The following LHFPL3 variants were observed in gnomAD, a reference collection of about 807,000 sequenced individuals.
LHFPL3 encodes the protein LHFPL tetraspan subfamily member 3 protein.
LHFPL3 carries 5 observed loss-of-function variants against 19.3 expected under a neutral mutation model. The observed-to-expected ratio is 0.26, with a 90% CI of 0.14 to 0.54. LHFPL3 has a LOEUF of 0.54. Ranked by LOEUF, LHFPL3 falls within the 20% of genes least tolerant of loss-of-function variation. The pLI, the probability that LHFPL3 is intolerant of heterozygous loss-of-function variation, is 0.94. For missense variants in LHFPL3, 249 were observed against 307.4 expected (o/e 0.81, Z 1.42); for synonymous variants, 133 against 126.2 (o/e 1.05, Z -0.36).
chr7:104,462,360 G>A (rs983767867), intron 1 of LHFPL3, among the ~76,000 whole-genome samples: 17 of 152,200 alleles, frequency 1.1e-4, no homozygotes, highest in African/African-American at 4.1e-4. Context: ...GATAGTGGCT[G>A]TGAGTTTGTC....
chr7:104,567,098 T>G (rs1399359786), intron 1 of LHFPL3, among the ~76,000 whole-genome samples: 1 of 152,252 alleles, frequency 6.6e-6, no homozygotes, highest in Non-Finnish European at 1.5e-5. Context: ...GAGTCAGCTT[T>G]ATATCAAACG....
intron 2 of LHFPL3, among the ~76,000 whole-genome samples, chr7:104,765,602 G>A (rs187492524): frequency 9.5e-4 from 145 of 152,234 alleles, no homozygotes; most frequent in African/African-American, 3.4e-3. Context: ...GGCATTTTCT[G>A]CACCATCTTT....
chr7:104,827,370 C>CTGAT (rs1279279473), intron 2 of LHFPL3, among the ~76,000 whole-genome samples: 1 of 151,998 alleles, frequency 6.6e-6, no homozygotes, highest in African/African-American at 2.4e-5. Flanking sequence ...ATTCAGTCTA[C>CTGAT]TGATTTGGTA....
chr7:104,766,358 C>G (rs1794458675), intron 2 of LHFPL3, among the ~76,000 whole-genome samples: 1 of 152,194 alleles, frequency 6.6e-6, no homozygotes, highest in African/African-American at 2.4e-5. Context: ...TTAGAAAGTC[C>G]AGCCACTAGG....
At chr7:104,682,284 C>T (rs1383345881) in intron 1 of LHFPL3, among the ~76,000 whole-genome samples, 1 of 152,182 alleles carries the variant, frequency 6.6e-6, no homozygotes, top group Non-Finnish European at 1.5e-5. Flanking sequence ...AAGACCGTCC[C>T]TCTGTAAGCC....
At chr7:104,880,647 C>T (rs755203752) in intron 2 of LHFPL3, among the ~76,000 whole-genome samples, 1 of 151,680 alleles carries the variant, frequency 6.6e-6, no homozygotes, top group Non-Finnish European at 1.5e-5. Context: ...ATATTTTAAG[C>T]CCACTGTTGA....
intron 1 of LHFPL3, among the ~76,000 whole-genome samples, chr7:104,509,001 C>G (rs543687829): frequency 2.6e-5 from 4 of 152,040 alleles, no homozygotes; most frequent in African/African-American, 9.6e-5. Flanking sequence ...ACAAATTAGA[C>G]AAAATGAACC....
At chr7:104,499,411 C>T (rs571012515) in intron 1 of LHFPL3, among the ~76,000 whole-genome samples, 2 of 152,316 alleles carry the variant, frequency 1.3e-5, no homozygotes, top group East Asian at 3.9e-4. Context: ...TTAGCATTTG[C>T]TCTTAAAGGA....
intron 1 of LHFPL3, among the ~76,000 whole-genome samples, chr7:104,518,703 G>A (rs1278827910): frequency 2.0e-5 from 3 of 152,128 alleles, no homozygotes; most frequent in African/African-American, 7.2e-5. Context: ...AGAATCACTT[G>A]AACATGGGAG....
chr7:104,744,373 G>T (rs1562979889), intron 2 of LHFPL3, among the ~76,000 whole-genome samples: 1 of 152,156 alleles, frequency 6.6e-6, no homozygotes, highest in Non-Finnish European at 1.5e-5. Context: ...CAAGTGCTTT[G>T]AATTAAAACT....
intron 1 of LHFPL3, among the ~76,000 whole-genome samples, chr7:104,582,905 G>C (rs958134804): frequency 4.5e-4 from 69 of 151,954 alleles, no homozygotes; most frequent in African/African-American, 1.6e-3. Context: ...AAATCACAGA[G>C]TACCTGGTCT....
chr7:104,480,902 G>A (rs1170250473), intron 1 of LHFPL3, among the ~76,000 whole-genome samples: 1 of 152,162 alleles, frequency 6.6e-6, no homozygotes, highest in East Asian at 1.9e-4. Context: ...TGTATTTAGC[G>A]AACAGTGAGA....
intron 1 of LHFPL3, among the ~76,000 whole-genome samples, chr7:104,697,793 T>TTG (rs1793025818): frequency 6.6e-6 from 1 of 152,220 alleles, no homozygotes; most frequent in East Asian, 1.9e-4. Context: ...TTGTTCATGC[T>TTG]TCCATTTGTG....
At chr7:104,554,670 G>GATAT (rs1794727073) in intron 1 of LHFPL3, among the ~76,000 whole-genome samples, 1 of 150,756 alleles carries the variant, frequency 6.6e-6, no homozygotes, top group African/African-American at 2.5e-5. Flanking sequence ...TAGATAGATA[G>GATAT]ATAGATAGAT....
At position 104,409,978 on chromosome 7, in the gene LHFPL3, TC is replaced by T. The variant is rs2116510700; in HGVS notation, c.445+80755del. On this transcript the variant is annotated intron_variant, in intron 1 of 2. Coordinates refer to ENST00000424859, the MANE Select transcript of LHFPL3 (RefSeq NM_199000.3). ...GCTGTATCAATCGTGGTATCCATTT[TC>T]TTCAGTGAATATTTAAGTTTGATCT... 2.0e-5 allele frequency among the ~76,000 whole-genome samples: 3 copies of T among 152,286 alleles called. No individual in the cohort carries two copies. The South Asian group carries it at 6.2e-4, about 32-fold the overall frequency.
chr7:104,601,215 AG>A (rs1790959399), intron 1 of LHFPL3, among the ~76,000 whole-genome samples: 1 of 152,178 alleles, frequency 6.6e-6, no homozygotes, highest in African/African-American at 2.4e-5. Context: ...TGGAAGATGA[AG>A]GGGGAAGGAG....
At chr7:104,545,881 T>C (rs535880954) in intron 1 of LHFPL3, among the ~76,000 whole-genome samples, 8 of 152,316 alleles carry the variant, frequency 5.3e-5, no homozygotes, top group East Asian at 3.9e-4. Flanking sequence ...AGATGGAGCA[T>C]TGCACAATAG....
At chr7:104,358,663 AGAT>A (rs1370204957) in intron 1 of LHFPL3, among the ~76,000 whole-genome samples, 3 of 152,218 alleles carry the variant, frequency 2.0e-5, no homozygotes, top group Non-Finnish European at 4.4e-5. Flanking sequence ...GGAGATCTTC[AGAT>A]ACAAGAAGCT....
rs75216820 is a variant in LHFPL3 at position 104,398,300 on chromosome 7, G to C, written c.445+69076G>C. On this transcript the variant is annotated intron_variant, in intron 1 of 2. Transcript: ENST00000424859. ...CTTCCATGTCAAAAGTAGGAGGAAG[G>C]GACAGGCTCCAGGCCTCCATCCCTG... Among the ~76,000 whole-genome samples, 86 of 152,232 alleles carry C rather than the reference G, an allele frequency of 5.6e-4. No homozygotes were observed. In the East Asian group the frequency reaches 0.015, roughly 27 times the overall value.
Sources: allele counts gnomAD v4.1 joint callset (sites outside exome capture counted in the v4.1 genomes callset), GRCh38; gene constraint gnomAD v4.1.1; transcripts MANE v1.5; gene names NCBI Gene and HGNC (gene_info 2026-07-23, HGNC 2026-07-21).